NHEJ1: variants seen among roughly 807,000 people sequenced by gnomAD.
The protein encoded by NHEJ1 is non-homologous end joining factor 1, also known as non-homologous end-joining factor 1.
NHEJ1 carries 22 observed loss-of-function variants against 39.4 expected under a neutral mutation model. The ratio of observed to expected loss-of-function variants is 0.56; its 90% CI spans 0.40 to 0.80. The LOEUF (loss-of-function observed/expected upper bound fraction) is 0.80. NHEJ1 is among the 30% of genes least tolerant of loss of function. The pLI is 0.00. For synonymous variants in NHEJ1, 154 were observed against 135.6 expected (o/e 1.14, Z -0.94); for missense variants, 329 against 357.1 (o/e 0.92, Z 0.63).
intron 5 of NHEJ1, among the ~76,000 whole-genome samples, chr2:219,101,212 T>C (rs1949257113): frequency 6.6e-6 from 1 of 152,124 alleles, no homozygotes; most frequent in African/African-American, 2.4e-5. Context: ...CCTCCCGGGT[T>C]CAAGCAATTA....
At chr2:219,090,608 G>A (rs1323203603) in intron 5 of NHEJ1, among the ~76,000 whole-genome samples, 1 of 152,136 alleles carries the variant, frequency 6.6e-6, no homozygotes, top group Non-Finnish European at 1.5e-5. Context: ...CCACACACGG[G>A]AGCCTTTGAT....
chr2:219,104,902 T>C (rs1949300477), intron 5 of NHEJ1, among the ~76,000 whole-genome samples: 1 of 152,210 alleles, frequency 6.6e-6, no homozygotes, highest in African/African-American at 2.4e-5. Flanking sequence ...AGGCTTAACT[T>C]GACCAAATTA....
intron 3 of NHEJ1, among the ~76,000 whole-genome samples, chr2:219,152,492 G>C (rs563438066): frequency 2.6e-5 from 4 of 152,048 alleles, no homozygotes; most frequent in Non-Finnish European, 5.9e-5. Flanking sequence ...CATATCAGGA[G>C]ATCCAGTGAA....
intron 5 of NHEJ1, among the ~76,000 whole-genome samples, chr2:219,135,919 C>G (rs1949622734): frequency 1.3e-5 from 2 of 152,206 alleles, no homozygotes; most frequent in Admixed American, 1.3e-4. Flanking sequence ...GAGTTGGTAA[C>G]TTCCTTTGAG....
chr2:219,083,284 G>C (rs1949082203), intron 5 of NHEJ1, among the ~76,000 whole-genome samples: 1 of 152,064 alleles, frequency 6.6e-6, no homozygotes, highest in African/African-American at 2.4e-5. Flanking sequence ...CTAAATCAAA[G>C]ATAACCTGAA....
chr2:219,136,118 T>A (rs530873717), intron 5 of NHEJ1, among the ~76,000 whole-genome samples: 2 of 152,148 alleles, frequency 1.3e-5, no homozygotes, highest in Non-Finnish European at 2.9e-5. Flanking sequence ...TTTTGTAATA[T>A]CTGGTTTTGA....
intron 5 of NHEJ1, among the ~76,000 whole-genome samples, chr2:219,105,124 T>A (rs1177233869): frequency 6.6e-6 from 1 of 152,154 alleles, no homozygotes; most frequent in African/African-American, 2.4e-5. Flanking sequence ...TACCATTTGT[T>A]CTGTAAGTAG....
chr2:219,093,385 C>G (rs1949179073), intron 5 of NHEJ1, among the ~76,000 whole-genome samples: 1 of 152,160 alleles, frequency 6.6e-6, no homozygotes, highest in African/African-American at 2.4e-5. Context: ...GAGGCAAGGA[C>G]AAGAGGGATA....
rs1389300789 is a variant in NHEJ1, at chr2:219,157,595, G to A, written c.267C>T (p.His89=). 6.2e-7 allele frequency: 1 copy of A among 1,614,176 alleles called. No homozygotes were observed. The highest frequency in any genetic ancestry group is 8.5e-7 in the Non-Finnish European group (1 of 1,180,036). ...LLRPLLKDAA[H]PSEATFSCDC... is the part of the protein sequence containing the mutation. ...CACAGGAGAAGGTAGCTTCGCTAGG[G>A]TGAGCAGCGTCCTTCAACAATGGGC... The change falls in exon 3 of 8, where the codon CAC becomes CAT. Residue 89 remains histidine (H), a synonymous_variant. Coordinates refer to ENST00000356853, the MANE Select transcript of NHEJ1 (RefSeq NM_024782.3).
rs1344328420 is a variant in NHEJ1 at position 219,111,115 on chromosome 2, T to C, written c.589-32909A>G. On this transcript the variant is annotated intron_variant, in intron 5 of 7. Coordinates refer to ENST00000356853, the MANE Select transcript of NHEJ1 (RefSeq NM_024782.3). This position sits in a 1 kb window ranked among gnomAD's most constrained non-coding sequence, Gnocchi z 4.1. Reference sequence around the variant, plus strand: ...TGTAAGGAACAAAGGTCATATTCCTTAACTAAGGACCAGAGGGGGGAAAAT... The same window carrying C: ...TGTAAGGAACAAAGGTCATATTCCTCAACTAAGGACCAGAGGGGGGAAAAT... Among the ~76,000 whole-genome samples, 1 of 152,158 alleles carries C rather than the reference T, an allele frequency of 6.6e-6. No homozygotes were observed. The highest frequency in any genetic ancestry group is 1.5e-5 in the Non-Finnish European group (1 of 68,014).
intron 5 of NHEJ1, among the ~76,000 whole-genome samples, chr2:219,141,314 AG>A (rs1488692620): frequency 6.7e-6 from 1 of 149,844 alleles, no homozygotes; most frequent in African/African-American, 2.5e-5. Context: ...CAGGAGGCAG[AG>A]GTTACAGTGA....
At chr2:219,085,636 T>C (rs1023764451) in intron 5 of NHEJ1, among the ~76,000 whole-genome samples, 9 of 151,948 alleles carry the variant, frequency 5.9e-5, no homozygotes, top group Non-Finnish European at 1.0e-4. Context: ...TGCTGGGCTA[T>C]AAGGAAAAAG....
At chr2:219,138,095 C>T (rs1949653558) in intron 5 of NHEJ1, among the ~76,000 whole-genome samples, 1 of 152,068 alleles carries the variant, frequency 6.6e-6, no homozygotes, top group African/African-American at 2.4e-5. Flanking sequence ...AAAAAACCAC[C>T]CTGAATCCTA....
chr2:219,153,691 A>AG (rs1375174428), intron 3 of NHEJ1, among the ~76,000 whole-genome samples: 396 of 20,114 alleles, frequency 0.02, 17 homozygotes, highest in Non-Finnish European at 0.039. Flanking sequence ...AAAGAAAGAA[A>AG]AGGGGGGGGG....
intron 1 of NHEJ1, among the ~76,000 whole-genome samples, chr2:219,159,592 T>TATATATGCATATATATGC (rs1559206425): frequency 1.1e-5 from 1 of 94,024 alleles, no homozygotes; most frequent in African/African-American, 3.4e-5. Flanking sequence ...TATATGCATA[T>TATATATGCATATATATGC]ATATATATGC....
At chr2:219,095,551 T>A (rs753767510) in intron 5 of NHEJ1, among the ~76,000 whole-genome samples, 10 of 152,188 alleles carry the variant, frequency 6.6e-5, no homozygotes, top group Non-Finnish European at 1.2e-4. Flanking sequence ...TCTGCCAACT[T>A]CTTGTGGCCA....
chr2:219,139,260 G>T (rs546602206), intron 5 of NHEJ1, among the ~76,000 whole-genome samples: 4 of 152,096 alleles, frequency 2.6e-5, no homozygotes, highest in Admixed American at 1.3e-4. Flanking sequence ...GCTAATTTTT[G>T]TATTTTTAGT....
At position 219,124,328 on chromosome 2, in the gene NHEJ1, T is replaced by C. The variant is rs1035391536; in HGVS notation, c.588+22352A>G. 3.3e-5 allele frequency among the ~76,000 whole-genome samples: 5 copies of C among 152,134 alleles called. No homozygotes were observed. In the East Asian group the frequency reaches 7.7e-4, roughly 23 times the overall value. On this transcript the variant is annotated intron_variant, in intron 5 of 7. Coordinates refer to ENST00000356853, the MANE Select transcript of NHEJ1 (RefSeq NM_024782.3). ...TGAAAGAATGAGTGGAATGTAAGCT[T>C]TAAAAGGTTCCATTCTGGAGCTAAA...
intron 3 of NHEJ1, among the ~76,000 whole-genome samples, chr2:219,148,856 T>C (rs544783987): frequency 6.6e-6 from 1 of 151,686 alleles, no homozygotes; most frequent in South Asian, 2.1e-4. Flanking sequence ...CCTAGGAAGG[T>C]ATAAGCCAAC....
Sources: allele counts gnomAD v4.1 joint callset (sites outside exome capture counted in the v4.1 genomes callset), GRCh38; gene constraint gnomAD v4.1.1; non-coding constraint Gnocchi (gnomAD v3.1); transcripts MANE v1.5; gene names NCBI Gene and HGNC (gene_info 2026-07-23, HGNC 2026-07-21).